CAMTA1: variants seen among roughly 807,000 people sequenced by gnomAD.
The protein encoded by CAMTA1 is calmodulin-binding transcription activator 1.
Under a neutral mutation model 170.9 loss-of-function variants are expected in CAMTA1, and 27 were observed. That is an observed-to-expected ratio of 0.16 (90% confidence interval 0.12 to 0.22). CAMTA1 has a LOEUF of 0.22. Ranked by LOEUF, CAMTA1 falls within the 10% of genes least tolerant of loss-of-function variation. The pLI is 1.00. For synonymous variants in CAMTA1, 833 were observed against 891.5 expected, an observed-to-expected ratio of 0.93 and a Z score of 1.17; for missense variants, 1,619 against 2,217.2, an observed-to-expected ratio of 0.73 and a Z score of 5.42.
chr1:6,795,913 C>T (rs1476794433), intron 1 of CAMTA1, among the ~76,000 whole-genome samples: 1 of 152,116 alleles, frequency 6.6e-6, no homozygotes, highest in Non-Finnish European at 1.5e-5. Context: ...AGATAAGATA[C>T]TGGAGTTATT....
At position 7,216,334 on chromosome 1, in the gene CAMTA1, C is replaced by G. The variant is rs1250408451; in HGVS notation, c.303-33157C>G. ...ATTTGGGTGGGGACACACATGCAAA[C>G]CACATCAGTGACAAATTGATTTGTC... is the stretch of plus-strand genomic sequence containing the variant. On this transcript the variant is annotated intron_variant, in intron 4 of 22. Coordinates refer to ENST00000303635, the MANE Select transcript of CAMTA1 (RefSeq NM_015215.4). This position sits in a 1 kb window ranked among gnomAD's most constrained non-coding sequence, Gnocchi z 4.0. Among the ~76,000 whole-genome samples, 2 of 152,190 alleles carry G rather than the reference C, an allele frequency of 1.3e-5. No homozygotes were observed. Among genetic ancestry groups the G allele is most frequent in the African/African-American group, 2.4e-5 (1 of 41,440 alleles).
At chr1:7,280,900 T>A (rs1172818579) in intron 5 of CAMTA1, among the ~76,000 whole-genome samples, 4 of 152,200 alleles carry the variant, frequency 2.6e-5, no homozygotes, top group Non-Finnish European at 5.9e-5. Flanking sequence ...GTACACTTTT[T>A]AAAAATAAAG....
At chr1:7,739,114 T>C (rs1170849009) in intron 16 of CAMTA1, among the ~76,000 whole-genome samples, 2 of 152,176 alleles carry the variant, frequency 1.3e-5, no homozygotes, top group Non-Finnish European at 2.9e-5. Flanking sequence ...ATTCCATCTA[T>C]TAAAATATGT....
At chr1:7,373,002 G>A (rs903564639) in intron 5 of CAMTA1, among the ~76,000 whole-genome samples, 14 of 152,314 alleles carry the variant, frequency 9.2e-5, no homozygotes, top group Non-Finnish European at 1.8e-4. Context: ...TGGTGTCACC[G>A]TAGAAGCTCC....
chr1:7,500,254 G>A (rs982353963), intron 6 of CAMTA1, among the ~76,000 whole-genome samples: 1 of 142,830 alleles, frequency 7.0e-6, no homozygotes. Context: ...TGTGTAGAGA[G>A]GATTGTGTGA....
At chr1:7,347,264 G>A (rs910680072) in intron 5 of CAMTA1, among the ~76,000 whole-genome samples, 5 of 152,088 alleles carry the variant, frequency 3.3e-5, no homozygotes, top group African/African-American at 9.7e-5. Flanking sequence ...CTGTTCCATC[G>A]GGAAGGGGCT....
At chr1:7,098,095 C>T (rs553343976) in intron 4 of CAMTA1, among the ~76,000 whole-genome samples, 13 of 108,880 alleles carry the variant, frequency 1.2e-4, no homozygotes, top group Middle Eastern at 4.8e-3. Context: ...CTGGGGTGGA[C>T]GAATTGTGTG....
At chr1:7,184,939 G>GA (rs1242982737) in intron 4 of CAMTA1, among the ~76,000 whole-genome samples, 4 of 152,164 alleles carry the variant, frequency 2.6e-5, no homozygotes, top group African/African-American at 9.7e-5. Flanking sequence ...AACTGTAAAA[G>GA]AAAAATATAT....
At chr1:7,519,423 G>T (rs1052253105) in intron 6 of CAMTA1, among the ~76,000 whole-genome samples, 6 of 152,018 alleles carry the variant, frequency 3.9e-5, no homozygotes, top group African/African-American at 1.5e-4. Flanking sequence ...CACGCCTGGA[G>T]CCTGGTGTGG....
intron 11 of CAMTA1, among the ~76,000 whole-genome samples, chr1:7,707,943 T>C (rs926272892): frequency 6.6e-6 from 1 of 152,308 alleles, no homozygotes; most frequent in Admixed American, 6.5e-5. Flanking sequence ...GACAAGGAGA[T>C]GCCGTCGCCA....
intron 6 of CAMTA1, among the ~76,000 whole-genome samples, chr1:7,469,060 T>G (rs2093277951): frequency 1.3e-5 from 2 of 152,146 alleles, no homozygotes; most frequent in Admixed American, 1.3e-4. Context: ...TCCAAACCCT[T>G]TCCATTCTCC....
intron 5 of CAMTA1, among the ~76,000 whole-genome samples, chr1:7,417,490 C>G (rs2091265986): frequency 0.017 from 1 of 60 alleles, no homozygotes; most frequent in Non-Finnish European, 0.024. Flanking sequence ...GCGCCCATCC[C>G]CCAGCCTTGT....
At chr1:7,037,706 C>T (rs1219630703) in intron 3 of CAMTA1, among the ~76,000 whole-genome samples, 1 of 151,920 alleles carries the variant, frequency 6.6e-6, no homozygotes, top group Non-Finnish European at 1.5e-5. Flanking sequence ...GGCATGGTGG[C>T]AGGTGCCTGT....
intron 6 of CAMTA1, among the ~76,000 whole-genome samples, chr1:7,577,074 C>T (rs1221986770): frequency 6.6e-6 from 1 of 152,196 alleles, no homozygotes; most frequent in Non-Finnish European, 1.5e-5. Context: ...GACTCAGTAG[C>T]CTGGGCTGTG....
intron 3 of CAMTA1, among the ~76,000 whole-genome samples, chr1:7,019,736 C>T (rs1360848490): frequency 6.6e-6 from 1 of 152,222 alleles, no homozygotes; most frequent in East Asian, 1.9e-4. Flanking sequence ...ACACTGTGAG[C>T]CTTTTGACCT....
At chr1:7,555,906 G>A (rs1056980459) in intron 6 of CAMTA1, among the ~76,000 whole-genome samples, 2 of 152,142 alleles carry the variant, frequency 1.3e-5, no homozygotes, top group Non-Finnish European at 2.9e-5. Flanking sequence ...TTCCAAATGC[G>A]GGTTGTATTA....
rs1294646904 is a variant in CAMTA1, at chr1:7,041,159, G to A, written c.235-50145G>A. Among the ~76,000 whole-genome samples, 2 of 152,250 alleles carry A rather than the reference G, an allele frequency of 1.3e-5. No individual in the cohort carries two copies. The highest frequency in any genetic ancestry group is 2.4e-5 in the African/African-American group (1 of 41,462). ...CTAAAAGTTGGCCCCAAGCCAGTGC[G>A]GGCGACGGTGTCAGCCACCCTTGGT... is the stretch of plus-strand genomic sequence containing the variant. On this transcript the variant is annotated intron_variant, in intron 3 of 22. Transcript: ENST00000303635. The surrounding 1 kb of genome is among the most constrained non-coding windows in gnomAD (Gnocchi z 5.1).
chr1:7,087,236 CG>C (rs35179704), intron 3 of CAMTA1, among the ~76,000 whole-genome samples: 3 of 152,296 alleles, frequency 2.0e-5, no homozygotes, highest in Middle Eastern at 3.4e-3. Flanking sequence ...CCCTCGTCGG[CG>C]GGAGCATCTC....
intron 6 of CAMTA1, among the ~76,000 whole-genome samples, chr1:7,469,927 C>T (rs994854393): frequency 1.3e-5 from 2 of 152,256 alleles, no homozygotes; most frequent in African/African-American, 4.8e-5. Context: ...CCCTCCCTCA[C>T]TGGCGCTCCT....
Sources: allele counts gnomAD v4.1 joint callset (sites outside exome capture counted in the v4.1 genomes callset), GRCh38; gene constraint gnomAD v4.1.1; non-coding constraint Gnocchi (gnomAD v3.1); transcripts MANE v1.5; gene names NCBI Gene and HGNC (gene_info 2026-07-23, HGNC 2026-07-21).